Variants in DTNA observed in about 807,000 individuals in gnomAD.
DTNA encodes the protein dystrophin-related protein 3.
Under a neutral mutation model 100.7 loss-of-function variants are expected in DTNA, and 43 were observed. That is an observed-to-expected ratio of 0.43 (90% CI 0.33 to 0.55). DTNA has a LOEUF of 0.55. DTNA is among the 20% of genes least tolerant of loss of function. DTNA has a pLI of 0.04. For synonymous variants in DTNA, 349 were observed against 347.9 expected, an observed-to-expected ratio of 1.00 and a Z score of -0.04; for missense variants, 798 against 953.9, an observed-to-expected ratio of 0.84 and a Z score of 2.15.
At chr18:34,603,488 A>G (rs1363865525) in intron 1 of DTNA, among the ~76,000 whole-genome samples, 2 of 152,302 alleles carry the variant, frequency 1.3e-5, no homozygotes, top group Non-Finnish European at 2.9e-5. Flanking sequence ...GTTCAATGGT[A>G]ATAAATACAT....
At chr18:34,731,709 C>T (rs1357989349) in intron 1 of DTNA, among the ~76,000 whole-genome samples, 4 of 152,058 alleles carry the variant, frequency 2.6e-5, no homozygotes, top group South Asian at 2.1e-4. Context: ...CCTGAAGTTC[C>T]CTGATGGCAG....
chr18:34,643,381 TAA>T (rs2059505652), intron 1 of DTNA, among the ~76,000 whole-genome samples: 2 of 152,272 alleles, frequency 1.3e-5, no homozygotes, highest in African/African-American at 2.4e-5. Flanking sequence ...TATTTTGTGA[TAA>T]GAGTCTACAA....
intron 21 of DTNA, among the ~76,000 whole-genome samples, chr18:34,884,248 C>A (rs543010471): frequency 6.6e-6 from 1 of 151,974 alleles, no homozygotes; most frequent in Non-Finnish European, 1.5e-5. Context: ...TCTAGGGGTT[C>A]TTTTTTTTCT....
At chr18:34,603,015 CA>C (rs2052272320) in intron 1 of DTNA, among the ~76,000 whole-genome samples, 2 of 149,922 alleles carry the variant, frequency 1.3e-5, no homozygotes, top group African/African-American at 4.9e-5. Context: ...AAAAAAAATA[CA>C]AAATAAAAAA....
At chr18:34,512,345 C>T (rs1254437761) in intron 1 of DTNA, among the ~76,000 whole-genome samples, 3 of 151,946 alleles carry the variant, frequency 2.0e-5, no homozygotes, top group East Asian at 1.9e-4. Context: ...CATCTCAGAA[C>T]AGCAGGTACA....
intron 18 of DTNA, among the ~76,000 whole-genome samples, chr18:34,876,495 C>T (rs1359187941): frequency 1.3e-5 from 2 of 152,020 alleles, no homozygotes; most frequent in Non-Finnish European, 2.9e-5. Flanking sequence ...TACGAATAGA[C>T]AGAAGAACAA....
intron 1 of DTNA, among the ~76,000 whole-genome samples, chr18:34,729,186 T>C (rs893380623): frequency 6.6e-6 from 1 of 152,240 alleles, no homozygotes; most frequent in African/African-American, 2.4e-5. Context: ...CGTGGAATTA[T>C]ATAAGGAAAA....
intron 1 of DTNA, among the ~76,000 whole-genome samples, chr18:34,633,447 T>C (rs1266971936): frequency 2.0e-5 from 3 of 152,120 alleles, no homozygotes; most frequent in Non-Finnish European, 4.4e-5. Context: ...AGATCTATTA[T>C]AGTAAGAAAG....
intron 1 of DTNA, among the ~76,000 whole-genome samples, chr18:34,591,760 C>CT (rs1287774981): frequency 2.0e-5 from 3 of 152,174 alleles, no homozygotes; most frequent in Non-Finnish European, 4.4e-5. Flanking sequence ...AGGAAAGTTT[C>CT]TTACTCCTCT....
At chr18:34,559,098 A>G (rs2046397581) in intron 1 of DTNA, among the ~76,000 whole-genome samples, 1 of 152,244 alleles carries the variant, frequency 6.6e-6, no homozygotes, top group Non-Finnish European at 1.5e-5. Flanking sequence ...AAGTTCTAGT[A>G]ACAATAATAC....
intron 1 of DTNA, among the ~76,000 whole-genome samples, chr18:34,561,173 C>G (rs1399870068): frequency 6.6e-6 from 1 of 152,036 alleles, no homozygotes; most frequent in East Asian, 1.9e-4. Flanking sequence ...AACAACTTTA[C>G]AACTATATAC....
At chr18:34,611,156 A>G (rs546561709) in intron 1 of DTNA, among the ~76,000 whole-genome samples, 1 of 152,336 alleles carries the variant, frequency 6.6e-6, no homozygotes, top group South Asian at 2.1e-4. Context: ...ATTCATAAAT[A>G]TAGATCTAAA....
intron 15 of DTNA, among the ~76,000 whole-genome samples, chr18:34,854,131 A>G (rs181406509): frequency 5.0e-4 from 76 of 152,314 alleles, no homozygotes; most frequent in Non-Finnish European, 4.4e-4. Flanking sequence ...TATTGATGAC[A>G]CTGATGACAA....
chr18:34,668,902 G>A (rs1299916404), intron 1 of DTNA, among the ~76,000 whole-genome samples: 1 of 152,190 alleles, frequency 6.6e-6, no homozygotes, highest in Non-Finnish European at 1.5e-5. Flanking sequence ...GGTATATTCT[G>A]TTGATTTGGG....
rs961621210 is a variant in DTNA, at chr18:34,741,749, A to G, written c.-1-14227A>G. On this transcript the variant is annotated intron_variant, in intron 1 of 22. Coordinates refer to ENST00000444659, the MANE Select transcript of DTNA (RefSeq NM_001386795.1). ...ATATTCACTAATATTTATATCTGATATTAGTCAATATATTAGTCAGTACTT... is the reference window on the plus strand; with the variant it reads ...ATATTCACTAATATTTATATCTGATGTTAGTCAATATATTAGTCAGTACTT... Among the ~76,000 whole-genome samples the G allele has an allele frequency of 1.3e-4, 19 of 151,260 alleles. 1 individual carries two copies. The highest frequency in any genetic ancestry group is 4.6e-4 in the African/African-American group (19 of 41,194).
chr18:34,816,119 A>G (rs1371813591), intron 7 of DTNA, 105 bp downstream of exon 7: 2 of 1,135,430 alleles, frequency 1.8e-6, no homozygotes, highest in African/African-American at 3.1e-5. Flanking sequence ...AAGCCTATTT[A>G]GTGGCTCTTA....
At chr18:34,643,860 A>C (rs1045885028) in intron 1 of DTNA, among the ~76,000 whole-genome samples, 2 of 152,190 alleles carry the variant, frequency 1.3e-5, no homozygotes, top group South Asian at 4.1e-4. Flanking sequence ...ATATCCATAC[A>C]TTATTAAGCA....
At chr18:34,710,115 G>A (rs2082620223), upstream of DTNA, among the ~76,000 whole-genome samples, 1 of 152,082 alleles carries the variant, frequency 6.6e-6, no homozygotes, top group African/African-American at 2.4e-5. Context: ...GAGTCAGCAA[G>A]AGAAGCATAT....
Position 34,664,076 on chromosome 18 carries a change from A to C in DTNA, c.-1-91900A>C, listed in dbSNP as rs562137285. On this transcript the variant is annotated intron_variant, in intron 1 of 19. Coordinates refer to the DTNA transcript ENST00000283365. ...CTTGTTGAATTTCACTGTTGTATCA[A>C]AGAAAACTGTCCATAATAATCTGAA... 2.0e-5 allele frequency among the ~76,000 whole-genome samples: 3 copies of C among 152,278 alleles called. No individual in the cohort carries two copies. The South Asian group carries it at 6.2e-4, about 32-fold the overall frequency.
Sources: gnomAD v4.1 joint callset for allele counts (sites outside exome capture counted in the v4.1 genomes callset) on GRCh38, gnomAD v4.1.1 for gene constraint, MANE v1.5 for transcripts, NCBI Gene and HGNC (gene_info 2026-07-23, HGNC 2026-07-21) for gene names.